PLXNA4: variants seen among roughly 807,000 people sequenced by gnomAD.
PLXNA4 encodes the protein plexin A4, also known as plexin-A4.
In PLXNA4, 44 loss-of-function variants were observed where a neutral mutation model predicts 191.8. The ratio of observed to expected loss-of-function variants is 0.23; its 90% CI spans 0.18 to 0.29. The LOEUF (loss-of-function observed/expected upper bound fraction) is 0.29, where lower values mean the gene tolerates loss of function less well. Ranked by LOEUF, PLXNA4 falls within the 10% of genes least tolerant of loss-of-function variation. The pLI is 1.00. For missense variants in PLXNA4, 1,800 were observed against 2,488.8 expected (o/e 0.72, Z 5.89); for synonymous variants, 1,082 against 1,009.5 (o/e 1.07, Z -1.36).
intron 31 of PLXNA4, 115 bp from the exon 32 acceptor site, chr7:132,130,689 G>T: frequency 2.7e-6 from 4 of 1,496,826 alleles, no homozygotes; most frequent in Non-Finnish European, 3.6e-6. Flanking sequence ...ACAGGCATGT[G>T]CAGGGGCACA....
chr7:132,554,259 G>T (rs80121223), intron 1 of PLXNA4, among the ~76,000 whole-genome samples: 5,374 of 152,214 alleles, frequency 0.035, 341 homozygotes, highest in African/African-American at 0.12. Flanking sequence ...CAAGGACCCT[G>T]GGGGGACAGT....
chr7:132,189,667 C>T (rs764429524), intron 14 of PLXNA4, among the ~76,000 whole-genome samples: 11 of 152,104 alleles, frequency 7.2e-5, no homozygotes, highest in Non-Finnish European at 1.5e-4. Context: ...CTGTGTAGGG[C>T]CCAAAGAGTG....
intron 3 of PLXNA4, among the ~76,000 whole-genome samples, chr7:132,465,986 C>T (rs1796684812): frequency 6.6e-6 from 1 of 152,188 alleles, no homozygotes; most frequent in African/African-American, 2.4e-5. Context: ...ACACAAGCCA[C>T]TGTGCCAGGT....
intron 2 of PLXNA4, among the ~76,000 whole-genome samples, chr7:132,602,117 CA>C (rs1006836459): frequency 6.6e-6 from 1 of 152,200 alleles, no homozygotes; most frequent in African/African-American, 2.4e-5. Flanking sequence ...AAGTAAGCCT[CA>C]AATTTTTCAG....
chr7:132,362,944 C>T (rs925290193), intron 3 of PLXNA4, among the ~76,000 whole-genome samples: 5 of 152,166 alleles, frequency 3.3e-5, no homozygotes, highest in African/African-American at 1.2e-4. Flanking sequence ...AGTACATTCA[C>T]ACTGCTATGT....
At chr7:132,402,899 CA>C (rs1209058610) in intron 3 of PLXNA4, among the ~76,000 whole-genome samples, 12 of 152,244 alleles carry the variant, frequency 7.9e-5, no homozygotes, top group African/African-American at 2.9e-4. Flanking sequence ...CATTGACCCC[CA>C]ATCCAGAGAG....
chr7:132,606,649 T>C (rs1431087525), intron 2 of PLXNA4, among the ~76,000 whole-genome samples: 1 of 149,452 alleles, frequency 6.7e-6, no homozygotes, highest in Non-Finnish European at 1.5e-5. Context: ...ACAAGCATTA[T>C]AGCAGAACTA....
intron 3 of PLXNA4, among the ~76,000 whole-genome samples, chr7:132,331,501 T>C (rs1222945020): frequency 6.6e-6 from 1 of 152,232 alleles, no homozygotes; most frequent in Admixed American, 6.5e-5. Context: ...CTTGCCCATG[T>C]CACTCCCCAG....
intron 24 of PLXNA4, among the ~76,000 whole-genome samples, chr7:132,163,075 C>T (rs2116642617): frequency 6.6e-6 from 1 of 152,310 alleles, no homozygotes; most frequent in Admixed American, 6.5e-5. Context: ...TCTCTCTTGC[C>T]TCCATTCTTG....
intron 3 of PLXNA4, among the ~76,000 whole-genome samples, chr7:132,329,402 G>A (rs1206407309): frequency 6.6e-6 from 1 of 152,160 alleles, no homozygotes; most frequent in Admixed American, 6.5e-5. Context: ...TTTACAAGAA[G>A]AGAGTGAGTG....
intron 21 of PLXNA4, among the ~76,000 whole-genome samples, chr7:132,170,707 C>T (rs538192316): frequency 7.2e-5 from 11 of 152,328 alleles, no homozygotes; most frequent in African/African-American, 2.2e-4. Context: ...CCTTCCATAG[C>T]GGAGCTCTGT....
At chr7:132,471,712 C>T (rs895955206) in intron 3 of PLXNA4, among the ~76,000 whole-genome samples, 1 of 152,128 alleles carries the variant, frequency 6.6e-6, no homozygotes, top group African/African-American at 2.4e-5. Context: ...CCACAGATGC[C>T]TTGGAGTGGG....
At chr7:132,153,472 T>G (rs980243070) in intron 25 of PLXNA4, among the ~76,000 whole-genome samples, 11 of 152,006 alleles carry the variant, frequency 7.2e-5, no homozygotes, top group African/African-American at 2.7e-4. Context: ...AGCGAGGACC[T>G]AAGTGAAGGT....
chr7:132,147,919 C>G lies in PLXNA4; in HGVS notation c.4845G>C (p.Arg1615Ser), dbSNP rs758015320. ...TCTTACCATATTTACTTGCTGAGGTCCTGGAGACGGTGGAGTTGTTCACTG... is the reference window on the plus strand; with the variant it reads ...TCTTACCATATTTACTTGCTGAGGTGCTGGAGACGGTGGAGTTGTTCACTG... ...YNAVNNSTVS[R>S]TSASKYENMI... Residue 1615 changes from arginine to serine, a missense_variant, in exon 27 of 32, where the codon AGG becomes AGC. By Grantham distance (110) the Arg-to-Ser change is moderately radical (BLOSUM62 -1). This residue lies in a region of PLXNA4 where 214 missense variants were observed against 298.2 expected (regional missense o/e 0.72). Transcript: ENST00000321063. The G allele has an allele frequency of 6.2e-7, 1 of 1,614,134 alleles. No homozygotes were observed. The highest frequency in any genetic ancestry group is 8.5e-7 in the Non-Finnish European group (1 of 1,180,032).
chr7:132,492,021 G>A (rs1406711622), intron 2 of PLXNA4, among the ~76,000 whole-genome samples: 2 of 152,184 alleles, frequency 1.3e-5, no homozygotes, highest in Admixed American at 6.5e-5. Context: ...CCTGCTTCTG[G>A]TTCACAAGGA....
In PLXNA4 at chr7:132,384,624, C is replaced by G. The variant is rs918376920; in HGVS notation, c.1372-86402G>C. ...CATCAGGCACTGTTGGCTTCCTTTT[C>G]TCTTTCCCGCAGAGGCTGGGATGGT... is the stretch of plus-strand genomic sequence containing the variant. On this transcript the variant is annotated intron_variant, in intron 3 of 31. Coordinates refer to ENST00000321063, the MANE Select transcript of PLXNA4 (RefSeq NM_020911.2). 5 of 990,094 alleles carry G rather than the reference C, an allele frequency of 5.1e-6. No homozygotes were observed. In the African/African-American group the frequency reaches 8.7e-5, roughly 17 times the overall value. The allele number at this position is 990,094 out of a possible 1,614,324, so 61.3% of individuals were successfully genotyped here. A position where few individuals can be genotyped will look rare whatever the true frequency, so the allele number is the denominator to read the frequency against.
Position 132,147,937 on chromosome 7 carries a change from G to A in PLXNA4, c.4827C>T (p.Asn1609=), listed in dbSNP as rs1463463113. 1 of 1,614,002 alleles carries A rather than the reference G, an allele frequency of 6.2e-7. No individual in the cohort carries two copies. Among genetic ancestry groups the A allele is most frequent in the Non-Finnish European group, 8.5e-7 (1 of 1,180,036 alleles). The change falls in exon 27 of 32, where the codon AAC becomes AAT. Residue 1609 remains asparagine, a synonymous_variant. Coordinates refer to ENST00000321063, the MANE Select transcript of PLXNA4 (RefSeq NM_020911.2). The part of the protein sequence containing the change: ...SKQVTAYNAV[N]NSTVSRTSAS... ...CTGAGGTCCTGGAGACGGTGGAGTT[G>A]TTCACTGCGTTATAGGCTGTCACCT...
chr7:132,251,537 C>A (rs994182800), intron 4 of PLXNA4, among the ~76,000 whole-genome samples: 1 of 151,802 alleles, frequency 6.6e-6, no homozygotes, highest in Non-Finnish European at 1.5e-5. Context: ...AGTGGCAGGG[C>A]AGGCTGGGCA....
intron 2 of PLXNA4, among the ~76,000 whole-genome samples, chr7:132,595,729 CT>C (rs111355683): frequency 6.6e-6 from 1 of 152,076 alleles, no homozygotes; most frequent in East Asian, 1.9e-4. Context: ...GCCATTCTTT[CT>C]TCCCCCAAGT....
Sources: gnomAD v4.1 joint callset for allele counts (sites outside exome capture counted in the v4.1 genomes callset) on GRCh38, gnomAD v4.1.1 for gene constraint, gnomAD v4.1.1 regional missense constraint, MANE v1.5 for transcripts, NCBI Gene and HGNC (gene_info 2026-07-23, HGNC 2026-07-21) for gene names.